Variants in SLC17A1 observed in about 807,000 individuals in gnomAD.
The protein encoded by SLC17A1 is sodium-dependent phosphate transport protein 1.
Under a neutral mutation model 53.5 loss-of-function variants are expected in SLC17A1, and 51 were observed. The ratio of observed to expected loss-of-function variants is 0.95; its 90% confidence interval spans 0.76 to 1.20. The LOEUF is 1.20. Among genes scored for constraint, SLC17A1 ranks in the 50% most tolerant of loss-of-function variants. SLC17A1 has a pLI of 0.00. For synonymous variants in SLC17A1, 179 were observed against 198.8 expected (o/e 0.90, Z 0.84); for missense variants, 538 against 568.2 (o/e 0.95, Z 0.54).
intron 12 of SLC17A1, among the ~76,000 whole-genome samples, chr6:25,784,127 T>C (rs1014088909): frequency 1.3e-5 from 2 of 152,218 alleles, no homozygotes; most frequent in Admixed American, 1.3e-4. Context: ...ATGGCGTCCA[T>C]ACAAATAGAC....
At chr6:25,726,197 T>C in the SLC17A1 span, 2 of 1,602,594 alleles carry the variant, frequency 1.2e-6, no homozygotes, top group Non-Finnish European at 1.7e-6. Context: ...GCCTGAATGT[T>C]AGGCAGGACT....
At chr6:25,806,183 A>G (rs529922300) in intron 10 of SLC17A1, among the ~76,000 whole-genome samples, 24 of 152,094 alleles carry the variant, frequency 1.6e-4, no homozygotes, top group Admixed American at 2.6e-4. Flanking sequence ...ATAATACACC[A>G]TGATTAAGTG....
the SLC17A1 span, among the ~76,000 whole-genome samples, chr6:25,740,503 G>A: frequency 1.1e-3 from 162 of 152,154 alleles, no homozygotes; most frequent in African/African-American, 3.4e-3. Context: ...ATAAATAACC[G>A]TAGGGGTGGT....
chr6:25,829,405 A>T (rs13200784), intron 2 of SLC17A1, among the ~76,000 whole-genome samples: 40,078 of 152,068 alleles, frequency 0.26, 5,641 homozygotes, highest in African/African-American at 0.36. Context: ...AAATTTAATC[A>T]TCAGCCAGCC....
chr6:25,785,615 T>A (rs1209011836), intron 12 of SLC17A1, among the ~76,000 whole-genome samples: 1 of 152,122 alleles, frequency 6.6e-6, no homozygotes, highest in Non-Finnish European at 1.5e-5. Context: ...GAATATCCAA[T>A]ACACTCTTAT....
At chr6:25,759,948 AC>A in the SLC17A1 span, among the ~76,000 whole-genome samples, 1 of 152,206 alleles carries the variant, frequency 6.6e-6, no homozygotes, top group South Asian at 2.1e-4. Flanking sequence ...TTTTGCTTTT[AC>A]AAATATTGCT....
intron 5 of SLC17A1, 54 bp downstream of exon 5, chr6:25,819,457 G>A: frequency 1.5e-6 from 2 of 1,366,454 alleles, no homozygotes; most frequent in East Asian, 2.3e-5. Context: ...AGGGAAGAAT[G>A]TAATACAATG....
chr6:25,815,028 C>G (rs1764296170), intron 6 of SLC17A1, among the ~76,000 whole-genome samples: 1 of 146,732 alleles, frequency 6.8e-6, no homozygotes, highest in Non-Finnish European at 1.5e-5. Context: ...CACACACACA[C>G]ACAAAGAATG....
At chr6:25,739,107 A>G in the SLC17A1 span, among the ~76,000 whole-genome samples, 1 of 143,968 alleles carries the variant, frequency 6.9e-6, no homozygotes, top group African/African-American at 2.4e-5. Context: ...ACTATAGACC[A>G]AGTAGCTTAA....
intron 2 of SLC17A1, among the ~76,000 whole-genome samples, chr6:25,829,540 A>G (rs1764871834): frequency 6.6e-6 from 1 of 152,176 alleles, no homozygotes; most frequent in African/African-American, 2.4e-5. Context: ...CATTGTCACC[A>G]TGTCAGAGAA....
intron 10 of SLC17A1, among the ~76,000 whole-genome samples, chr6:25,806,562 A>G (rs1763960528): frequency 6.6e-6 from 1 of 152,146 alleles, no homozygotes; most frequent in African/African-American, 2.4e-5. Flanking sequence ...AAGAGCATTC[A>G]AACTGGAAAA....
At chr6:25,731,877 T>C in the SLC17A1 span, 2 of 1,603,032 alleles carry the variant, frequency 1.2e-6, no homozygotes, top group Non-Finnish European at 1.7e-6. Context: ...CACGGCCGTC[T>C]GGATCTCCCT....
chr6:25,781,699 G>C (rs1361021792), downstream of SLC17A1, among the ~76,000 whole-genome samples: 1 of 152,006 alleles, frequency 6.6e-6, no homozygotes, highest in Non-Finnish European at 1.5e-5. Flanking sequence ...GGGAGGGGGA[G>C]AGGAGGTGCC....
In SLC17A1 at chr6:25,830,563, G is replaced by T; in HGVS notation, c.-6C>A. On this transcript the variant is annotated 5_prime_UTR_variant, in exon 2 of 13. Coordinates refer to ENST00000244527, the MANE Select transcript of SLC17A1 (RefSeq NM_005074.5). The stretch of plus-strand genomic sequence containing the variant: ...AACCGGTTATCCATTTGCATACACG[G>T]CTGAAGTTGCTTCTCTTCTTGCTGA... The T allele has an allele frequency of 6.2e-7, 1 of 1,613,836 alleles. No homozygotes were observed. The highest frequency in any genetic ancestry group is 8.5e-7 in the Non-Finnish European group (1 of 1,179,838).
chr6:25,826,616 AG>A lies in SLC17A1; in HGVS notation c.51del (p.Arg19AlafsTer14), dbSNP rs1184416190. ...ACAAGGAAAGACAATCCATAGCGAA[AG>A]GAACAGAAACCTGGAACTACAAAGT... ...LPPKKVPGFC[S>X]FRYGLSFLVH... On this transcript the variant is annotated frameshift_variant, in exon 3 of 13. Coordinates refer to ENST00000244527, the MANE Select transcript of SLC17A1 (RefSeq NM_005074.5). LOFTEE classifies it high-confidence loss of function. 1 of 1,574,664 alleles carries A rather than the reference AG, an allele frequency of 6.4e-7. No homozygotes were observed. Among genetic ancestry groups the A allele is most frequent in the African/African-American group, 1.4e-5 (1 of 73,206 alleles).
chr6:25,812,596 G>C (rs1177370473), intron 8 of SLC17A1, among the ~76,000 whole-genome samples: 1 of 152,126 alleles, frequency 6.6e-6, no homozygotes, highest in Non-Finnish European at 1.5e-5. Flanking sequence ...GCAAATGTGC[G>C]GAAATATAGA....
At chr6:25,785,518 T>C (rs1207646334) in intron 12 of SLC17A1, among the ~76,000 whole-genome samples, 5 of 152,116 alleles carry the variant, frequency 3.3e-5, no homozygotes, top group Non-Finnish European at 4.4e-5. Flanking sequence ...TCAAAGGACA[T>C]TAACAAGAAA....
At chr6:25,742,926 A>G in the SLC17A1 span, among the ~76,000 whole-genome samples, 6 of 152,370 alleles carry the variant, frequency 3.9e-5, no homozygotes, top group African/African-American at 1.4e-4. Flanking sequence ...CTGAAAATAC[A>G]ACTCCACATA....
At chr6:25,735,723 A>G in the SLC17A1 span, among the ~76,000 whole-genome samples, 1 of 152,138 alleles carries the variant, frequency 6.6e-6, no homozygotes, top group Non-Finnish European at 1.5e-5. Flanking sequence ...TTTCTAAATT[A>G]TTGTGTTGTG....
Sources: allele counts gnomAD v4.1 joint callset (sites outside exome capture counted in the v4.1 genomes callset), GRCh38; gene constraint gnomAD v4.1.1; transcripts MANE v1.5; gene names NCBI Gene and HGNC (gene_info 2026-07-23, HGNC 2026-07-21).